SOX6: variants seen among roughly 807,000 people sequenced by gnomAD.
SOX6 encodes transcription factor SOX-6.
In SOX6, 11 loss-of-function variants were observed where a neutral mutation model predicts 97.8. The observed-to-expected ratio is 0.11, with a 90% CI of 0.07 to 0.19. The LOEUF (loss-of-function observed/expected upper bound fraction) is 0.19, where lower values mean the gene tolerates loss of function less well. SOX6 is among the 10% of genes least tolerant of loss of function. SOX6 has a pLI of 1.00. For synonymous variants in SOX6, 360 were observed against 371.4 expected, an observed-to-expected ratio of 0.97 and a Z score of 0.35; for missense variants, 810 against 1,039.5, an observed-to-expected ratio of 0.78 and a Z score of 3.04.
At chr11:16,450,403 T>A (rs1438450158) in intron 1 of SOX6, among the ~76,000 whole-genome samples, 1 of 152,228 alleles carries the variant, frequency 6.6e-6, no homozygotes, top group African/African-American at 2.4e-5. Flanking sequence ...GAAAACCATA[T>A]TGCCAATAAT....
intron 13 of SOX6, among the ~76,000 whole-genome samples, chr11:16,004,473 T>C (rs188900688): frequency 3.0e-3 from 455 of 152,096 alleles, no homozygotes; most frequent in Middle Eastern, 6.8e-3. Flanking sequence ...GGAAAATACA[T>C]ATTATGGGAG....
At chr11:16,405,009 A>G (rs1292694700) in intron 1 of SOX6, among the ~76,000 whole-genome samples, 2 of 151,986 alleles carry the variant, frequency 1.3e-5, no homozygotes, top group Non-Finnish European at 2.9e-5. Context: ...AAGGACACGG[A>G]TTAGTACTGT....
At chr11:16,171,328 A>C (rs1851032655) in intron 6 of SOX6, among the ~76,000 whole-genome samples, 1 of 152,006 alleles carries the variant, frequency 6.6e-6, no homozygotes, top group Admixed American at 6.6e-5. Flanking sequence ...GGGGAACATA[A>C]ACAGTCCAAG....
chr11:16,637,194 C>G (rs1245946830), intron 3 of SOX6, among the ~76,000 whole-genome samples: 1 of 151,976 alleles, frequency 6.6e-6, no homozygotes, highest in African/African-American at 2.4e-5. Context: ...ATTTACTATT[C>G]TTCTTATTCC....
intron 1 of SOX6, among the ~76,000 whole-genome samples, chr11:16,351,571 G>T: frequency 6.6e-6 from 1 of 152,066 alleles, no homozygotes. Flanking sequence ...CCTGACCCTG[G>T]CACTTGAGGC....
At chr11:15,977,423 A>T (rs1246779937) in intron 15 of SOX6, among the ~76,000 whole-genome samples, 1 of 151,712 alleles carries the variant, frequency 6.6e-6, no homozygotes, top group Non-Finnish European at 1.5e-5. Context: ...TCCCTTTAGT[A>T]CCCAGTTTAT....
At chr11:16,024,440 C>T (rs1855160357) in intron 12 of SOX6, among the ~76,000 whole-genome samples, 1 of 151,108 alleles carries the variant, frequency 6.6e-6, no homozygotes, top group African/African-American at 2.4e-5. Flanking sequence ...ATTAGCCTCA[C>T]AAACAATTAT....
At chr11:16,645,295 C>T (rs191424969) in intron 3 of SOX6, among the ~76,000 whole-genome samples, 14 of 152,284 alleles carry the variant, frequency 9.2e-5, no homozygotes, top group African/African-American at 1.2e-4. Context: ...CTGCTTTACC[C>T]GTTGTTTCAC....
chr11:16,235,254 C>T (rs893568723), intron 3 of SOX6, among the ~76,000 whole-genome samples: 2 of 152,148 alleles, frequency 1.3e-5, no homozygotes, highest in South Asian at 4.1e-4. Flanking sequence ...TATGTAAAAA[C>T]TGATACATAT....
intron 9 of SOX6, among the ~76,000 whole-genome samples, chr11:16,077,424 A>C (rs114717761): frequency 0.012 from 1,844 of 152,294 alleles, 36 homozygotes; most frequent in African/African-American, 0.042. Context: ...AACTTAAAAC[A>C]AAAGTACCAT....
chr11:16,145,052 G>T (rs1287396032), intron 6 of SOX6, among the ~76,000 whole-genome samples: 1 of 152,110 alleles, frequency 6.6e-6, no homozygotes, highest in African/African-American at 2.4e-5. Context: ...AACAAAAAAA[G>T]AGAATTTTCG....
intron 3 of SOX6, among the ~76,000 whole-genome samples, chr11:16,691,850 C>T (rs1294292130): frequency 6.6e-6 from 1 of 152,124 alleles, no homozygotes; most frequent in South Asian, 2.1e-4. Flanking sequence ...AGATAATAAT[C>T]ATTAACCTTT....
intron 4 of SOX6, among the ~76,000 whole-genome samples, chr11:16,551,383 G>A (rs548757225): frequency 6.6e-5 from 10 of 151,906 alleles, no homozygotes; most frequent in Admixed American, 2.0e-4. Flanking sequence ...TTTTAAAGAC[G>A]CTAAATTAAA....
intron 6 of SOX6, among the ~76,000 whole-genome samples, chr11:16,150,511 A>T (rs1017998414): frequency 6.6e-6 from 1 of 152,114 alleles, no homozygotes; most frequent in African/African-American, 2.4e-5. Flanking sequence ...CCTCCCCTGG[A>T]TCCTAAAACC....
At chr11:16,265,119 T>C (rs1326002625) in intron 3 of SOX6, among the ~76,000 whole-genome samples, 1 of 151,880 alleles carries the variant, frequency 6.6e-6, no homozygotes, top group Non-Finnish European at 1.5e-5. Flanking sequence ...TACTGAAGAA[T>C]GACAAGCTTC....
chr11:16,727,596 A>T lies in SOX6; in HGVS notation n.353+8743T>A, dbSNP rs897371259. 2.7e-5 allele frequency among the ~76,000 whole-genome samples: 4 copies of T among 145,778 alleles called. 1 individual carries two copies. Among genetic ancestry groups the T allele is most frequent in the East Asian group, 4.0e-4 (2 of 4,998 alleles). On this transcript the variant is annotated intron_variant and non_coding_transcript_variant, in intron 2 of 5. Transcript: ENST00000524520. Reference sequence around the variant, plus strand: ...AGGCACGCGCCACAACACCCAGCAAATTTTTTTTTTTTTGTATTTTTAGTA... The same window carrying T: ...AGGCACGCGCCACAACACCCAGCAATTTTTTTTTTTTTTGTATTTTTAGTA...
intron 4 of SOX6, among the ~76,000 whole-genome samples, chr11:16,507,655 A>G (rs1330776104): frequency 2.0e-5 from 3 of 152,192 alleles, no homozygotes; most frequent in African/African-American, 7.2e-5. Context: ...CCAAGAACAT[A>G]CATTGGGGAA....
chr11:16,417,587 G>T (rs1858948433), intron 1 of SOX6, among the ~76,000 whole-genome samples: 1 of 151,998 alleles, frequency 6.6e-6, no homozygotes, highest in Non-Finnish European at 1.5e-5. Flanking sequence ...GTAAGAAAAG[G>T]AAAATATTTT....
intron 6 of SOX6, among the ~76,000 whole-genome samples, chr11:16,144,309 CAA>C (rs1850230546): frequency 6.6e-6 from 1 of 152,080 alleles, no homozygotes; most frequent in African/African-American, 2.4e-5. Context: ...CCAATGAGAA[CAA>C]AGACACAACA....
Sources: allele counts gnomAD v4.1 joint callset (sites outside exome capture counted in the v4.1 genomes callset), GRCh38; gene constraint gnomAD v4.1.1; transcripts MANE v1.5; gene names NCBI Gene and HGNC (gene_info 2026-07-23, HGNC 2026-07-21).